LINGO2: variants seen among roughly 807,000 people sequenced by gnomAD.
LINGO2 encodes leucine rich repeat and Ig domain containing 2, also known as leucine-rich repeat and immunoglobulin-like domain-containing nogo receptor-interacting protein 2.
Under a neutral mutation model 30.6 loss-of-function variants are expected in LINGO2, and 14 were observed. The observed-to-expected ratio is 0.46, with a 90% confidence interval of 0.30 to 0.72. The LOEUF (loss-of-function observed/expected upper bound fraction) is 0.72, where lower values mean the gene tolerates loss of function less well. Among genes scored for constraint, LINGO2 ranks in the 30% least tolerant of loss-of-function variants. LINGO2 has a pLI of 0.07. For missense variants in LINGO2, 729 were observed against 751.7 expected, an observed-to-expected ratio of 0.97 and a Z score of 0.35; for synonymous variants, 317 against 288.5, an observed-to-expected ratio of 1.10 and a Z score of -1.00.
chr9:28,569,401 A>T (rs1823560718), intron 1 of LINGO2, among the ~76,000 whole-genome samples: 1 of 138,132 alleles, frequency 7.2e-6, no homozygotes, highest in African/African-American at 2.7e-5. Flanking sequence ...TCCTAGACAT[A>T]AACAAATGGA....
At chr9:28,174,023 T>C (rs1233235029) in intron 4 of LINGO2, among the ~76,000 whole-genome samples, 1 of 152,188 alleles carries the variant, frequency 6.6e-6, no homozygotes, top group Admixed American at 6.5e-5. Context: ...GTCTTTTCAC[T>C]ACAAATAAAG....
At chr9:29,090,316 G>A in the LINGO2 span, among the ~76,000 whole-genome samples, 2 of 151,896 alleles carry the variant, frequency 1.3e-5, no homozygotes, top group African/African-American at 4.8e-5. Context: ...ATAAAGTCCT[G>A]TTCAAATGTT....
chr9:28,081,336 T>C (rs529767505), intron 4 of LINGO2, among the ~76,000 whole-genome samples: 162 of 151,654 alleles, frequency 1.1e-3, no homozygotes, highest in African/African-American at 3.8e-3. Context: ...TTCACATCTA[T>C]CTAATAGACA....
chr9:28,085,865 T>C (rs1003113192), intron 4 of LINGO2, among the ~76,000 whole-genome samples: 1 of 152,072 alleles, frequency 6.6e-6, no homozygotes, highest in Non-Finnish European at 1.5e-5. Flanking sequence ...GTATGATACT[T>C]GAATTCGTGA....
the LINGO2 span, among the ~76,000 whole-genome samples, chr9:29,206,319 A>ATTAC: frequency 3.9e-5 from 6 of 152,172 alleles, no homozygotes; most frequent in Non-Finnish European, 8.8e-5. Flanking sequence ...CCAAGTAATA[A>ATTAC]TTACTTAAAT....
chr9:29,080,724 G>T, the LINGO2 span, among the ~76,000 whole-genome samples: 2 of 152,052 alleles, frequency 1.3e-5, no homozygotes, highest in East Asian at 1.9e-4. Context: ...TCAGGAGCAG[G>T]TTGTTCAGTT....
Position 28,366,319 on chromosome 9 carries a change from T to C in LINGO2, c.-246+6517A>G, listed in dbSNP as rs375023722. Among the ~76,000 whole-genome samples, 3 of 152,204 alleles carry C rather than the reference T, an allele frequency of 2.0e-5. No homozygotes were observed. The East Asian group carries it at 5.8e-4, about 29-fold the overall frequency. On this transcript the variant is annotated intron_variant, in intron 3 of 5. Coordinates refer to ENST00000379992, the Ensembl canonical transcript of LINGO2. ...TATTTCATCCCTCTTATGTGATCTT[T>C]AGGCTGTGTTTGAAAGACTCTACCA...
chr9:28,877,490 T>A, the LINGO2 span, among the ~76,000 whole-genome samples: 11 of 152,022 alleles, frequency 7.2e-5, no homozygotes, highest in South Asian at 4.2e-4. Context: ...TTTTCCCAGC[T>A]CCATTTATTA....
rs1213355168 is a variant in LINGO2 at position 28,642,843 on chromosome 9, G to T, written c.-365+27357C>A. The stretch of plus-strand genomic sequence containing the variant: ...GAATATAAAACCATTTTAAATTATT[G>T]TTAAATTCAAGGCAGATTTTGTTTC... On this transcript the variant is annotated intron_variant, in intron 1 of 5. Transcript: ENST00000379992. 2.6e-5 allele frequency among the ~76,000 whole-genome samples: 4 copies of T among 152,120 alleles called. No homozygotes were observed. In the East Asian group the frequency reaches 7.7e-4, roughly 29 times the overall value.
At chr9:28,439,221 A>G (rs946196807) in intron 2 of LINGO2, among the ~76,000 whole-genome samples, 1 of 150,898 alleles carries the variant, frequency 6.6e-6, no homozygotes, top group African/African-American at 2.4e-5. Context: ...TGAAATAGAG[A>G]TAATATATAT....
At chr9:28,004,753 G>C (rs1822175573) in intron 5 of LINGO2, among the ~76,000 whole-genome samples, 1 of 152,196 alleles carries the variant, frequency 6.6e-6, no homozygotes, top group South Asian at 2.1e-4. Context: ...AGGTAAGAGA[G>C]CTGATGTAGC....
intron 4 of LINGO2, among the ~76,000 whole-genome samples, chr9:28,145,199 T>C (rs1336491275): frequency 6.6e-6 from 1 of 152,114 alleles, no homozygotes; most frequent in Non-Finnish European, 1.5e-5. Context: ...GGTAGGGACA[T>C]GAGGAAGCTT....
chr9:28,283,422 T>G (rs906982552), intron 4 of LINGO2, among the ~76,000 whole-genome samples: 2 of 152,174 alleles, frequency 1.3e-5, no homozygotes, highest in Non-Finnish European at 2.9e-5. Context: ...TTTTAAGTCC[T>G]AAGCTGCTTT....
chr9:28,103,419 A>C (rs762612986), intron 4 of LINGO2, among the ~76,000 whole-genome samples: 1 of 152,112 alleles, frequency 6.6e-6, no homozygotes, highest in Non-Finnish European at 1.5e-5. Context: ...CAACTTCCCA[A>C]CCGAGGCCCT....
At chr9:28,498,303 C>T (rs772238717) in intron 1 of LINGO2, among the ~76,000 whole-genome samples, 3 of 152,174 alleles carry the variant, frequency 2.0e-5, no homozygotes, top group Non-Finnish European at 4.4e-5. Flanking sequence ...CGGTGGGCTC[C>T]ATCCAGTTCG....
At chr9:28,686,018 A>T in the LINGO2 span, among the ~76,000 whole-genome samples, 1 of 151,194 alleles carries the variant, frequency 6.6e-6, no homozygotes, top group Non-Finnish European at 1.5e-5. Context: ...GACAAGTGAG[A>T]GAGAGAATCA....
the LINGO2 span, among the ~76,000 whole-genome samples, chr9:29,020,040 T>C: frequency 2.6e-5 from 4 of 152,216 alleles, no homozygotes; most frequent in Non-Finnish European, 5.9e-5. Flanking sequence ...GCTGAAGGCA[T>C]ATGTTTAGCA....
In LINGO2 at chr9:27,956,242, G is replaced by A. The variant is rs145062702; in HGVS notation, c.-35-5536C>T. 9.6e-3 allele frequency among the ~76,000 whole-genome samples: 1,461 copies of A among 152,090 alleles called. 8 individuals are homozygous for A. Among genetic ancestry groups the A allele is most frequent in the Non-Finnish European group, 0.015 (1,029 of 67,982 alleles). ...CAGGCGTGAGTCACTGCGCCTGGCCGACTGTCTTTTATATGTTATCCATTC... is the reference window on the plus strand; with the variant it reads ...CAGGCGTGAGTCACTGCGCCTGGCCAACTGTCTTTTATATGTTATCCATTC... On this transcript the variant is annotated intron_variant, in intron 5 of 5. Coordinates refer to ENST00000379992, the Ensembl canonical transcript of LINGO2.
At chr9:28,962,661 T>C in the LINGO2 span, among the ~76,000 whole-genome samples, 6 of 151,924 alleles carry the variant, frequency 3.9e-5, no homozygotes, top group Admixed American at 3.9e-4. Context: ...AGTACCCATA[T>C]ACCAATAACT....
Sources: allele counts gnomAD v4.1 joint callset (sites outside exome capture counted in the v4.1 genomes callset), GRCh38; gene constraint gnomAD v4.1.1; transcripts MANE v1.5; gene names NCBI Gene and HGNC (gene_info 2026-07-23, HGNC 2026-07-21).